DISC1: variants seen among roughly 807,000 people sequenced by gnomAD.
The protein encoded by DISC1 is DISC1 scaffold protein.
A neutral mutation model predicts 84.5 loss-of-function variants in DISC1; 57 were observed. That is an observed-to-expected ratio of 0.67 (90% confidence interval 0.55 to 0.84). The LOEUF (loss-of-function observed/expected upper bound fraction) is 0.84, where lower values mean the gene tolerates loss of function less well. DISC1 is among the 40% of genes least tolerant of loss of function. The pLI is 0.00. For synonymous variants in DISC1, 411 were observed against 415.2 expected, an observed-to-expected ratio of 0.99 and a Z score of 0.12; for missense variants, 1,000 against 1,057.8, an observed-to-expected ratio of 0.95 and a Z score of 0.76.
At position 231,801,699 on chromosome 1, in the gene DISC1, G is replaced by C. The variant is rs114884233; in HGVS notation, c.1792+1489G>C. 5.9e-3 allele frequency among the ~76,000 whole-genome samples: 900 copies of C among 152,124 alleles called. 11 individuals carry two copies. Among genetic ancestry groups the C allele is most frequent in the African/African-American group, 0.021 (864 of 41,512 alleles). ...ACTAGTGTTAAGGTGGTCAACATTT[G>C]TTTGCAACTCCTGCATATAATGCTA... On this transcript the variant is annotated intron_variant, in intron 8 of 12. Transcript: ENST00000439617.
In DISC1 at chr1:231,913,579, AG is replaced by A. The variant is rs535462115; in HGVS notation, c.1982-45246del. Among the ~76,000 whole-genome samples the A allele has an allele frequency of 3.2e-3, 487 of 152,332 alleles. 1 individual carries two copies. The highest frequency in any genetic ancestry group is 3.8e-3 in the Non-Finnish European group (256 of 68,020). On this transcript the variant is annotated intron_variant, in intron 9 of 12. Transcript: ENST00000439617. Reference sequence around the variant, plus strand: ...TGTGGAAATGCGGGACAGGCACCTGAGGGTGATAGCCTCTTTACAAGTGTCT... The same window carrying A: ...TGTGGAAATGCGGGACAGGCACCTGAGGTGATAGCCTCTTTACAAGTGTCT...
At chr1:231,802,770 C>T (rs2079375958) in intron 8 of DISC1, among the ~76,000 whole-genome samples, 1 of 152,098 alleles carries the variant, frequency 6.6e-6, no homozygotes, top group Non-Finnish European at 1.5e-5. Context: ...TGTCTAACTA[C>T]AATTATTAGG....
intron 9 of DISC1, among the ~76,000 whole-genome samples, chr1:231,920,029 C>T (rs1009194726): frequency 1.3e-4 from 20 of 152,136 alleles, no homozygotes; most frequent in Middle Eastern, 3.4e-3. Context: ...GGGGGTGTCC[C>T]GCGCATCGTA....
At chr1:232,024,599 T>G (rs989736051) in intron 11 of DISC1, among the ~76,000 whole-genome samples, 4 of 149,576 alleles carry the variant, frequency 2.7e-5, no homozygotes, top group African/African-American at 9.8e-5. Flanking sequence ...CTTATGCAAT[T>G]TTTTTTTTTT....
At chr1:231,866,558 A>G (rs1185305767) in intron 9 of DISC1, 1 of 984,276 alleles carries the variant, frequency 1.0e-6, no homozygotes, top group South Asian at 1.3e-5. Context: ...CTGGACACAG[A>G]GAAGTCAGCA....
In DISC1 at chr1:231,996,935, A is replaced by G. The variant is rs566412862; in HGVS notation, c.2043-11850A>G. On this transcript the variant is annotated intron_variant, in intron 10 of 12. Coordinates refer to ENST00000439617, the MANE Select transcript of DISC1 (RefSeq NM_018662.3). ...TGAGTCCTTCTCTTCAATAATTATT[A>G]CTAATGATCTAATTGTTTTCCCTGG... Among the ~76,000 whole-genome samples, 8 of 152,338 alleles carry G rather than the reference A, an allele frequency of 5.3e-5. No homozygotes were observed. The South Asian group carries it at 1.4e-3, about 28-fold the overall frequency.
chr1:231,735,370 G>GT (rs1366630952), intron 3 of DISC1, among the ~76,000 whole-genome samples: 5 of 152,008 alleles, frequency 3.3e-5, no homozygotes, highest in East Asian at 1.9e-4. Flanking sequence ...ATTTTGGAGA[G>GT]TTTTTTTTGT....
At position 231,750,525 on chromosome 1, in the gene DISC1, C is replaced by T. The variant is rs1242047363; in HGVS notation, c.1268+449C>T. The T allele has an allele frequency of 5.0e-6, 5 of 992,596 alleles. No homozygotes were observed. The African/African-American group carries it at 7.0e-5, about 14-fold the overall frequency. 61.5% of individuals were successfully genotyped at this position (992,596 alleles called of 1,614,324 possible). On this transcript the variant is annotated intron_variant, in intron 4 of 12. Transcript: ENST00000439617. ...TGAGCAACATTTGCTATTTGTGTCA[C>T]CCAAGGCTCTTCTGAGATTAGTAAT... is the stretch of plus-strand genomic sequence containing the variant.
At chr1:231,710,830 A>T (rs2067722530) in intron 3 of DISC1, among the ~76,000 whole-genome samples, 2 of 152,164 alleles carry the variant, frequency 1.3e-5, no homozygotes, top group South Asian at 4.1e-4. Flanking sequence ...ATACAATTAA[A>T]TTCTGAGGTC....
intron 7 of DISC1, among the ~76,000 whole-genome samples, chr1:231,799,164 A>G (rs754187593): frequency 9.2e-5 from 14 of 152,182 alleles, no homozygotes; most frequent in Non-Finnish European, 1.8e-4. Context: ...TTGAAAAACC[A>G]AAGAAAAAAA....
At chr1:231,641,213 C>A (rs1037405081) in intron 1 of DISC1, among the ~76,000 whole-genome samples, 1 of 152,194 alleles carries the variant, frequency 6.6e-6, no homozygotes, top group Non-Finnish European at 1.5e-5. Context: ...TCACTGACTT[C>A]AAAAATGAAG....
At chr1:232,015,072 A>C (rs1476806301) in intron 11 of DISC1, among the ~76,000 whole-genome samples, 2 of 152,192 alleles carry the variant, frequency 1.3e-5, no homozygotes, top group African/African-American at 4.8e-5. Context: ...GAGAGAAAGC[A>C]GAGTCCAGGG....
chr1:231,865,282 A>G (rs2084968659), intron 9 of DISC1, among the ~76,000 whole-genome samples: 1 of 152,194 alleles, frequency 6.6e-6, no homozygotes, highest in African/African-American at 2.4e-5. Context: ...GGGGAAGAGA[A>G]CTGTCTAGTA....
At chr1:231,755,166 C>T (rs1024557741) in intron 4 of DISC1, among the ~76,000 whole-genome samples, 8 of 151,984 alleles carry the variant, frequency 5.3e-5, no homozygotes, top group Non-Finnish European at 1.2e-4. Flanking sequence ...CATTTCTGGC[C>T]ATTCTTCTTA....
chr1:231,745,151 C>T (rs146261328), intron 3 of DISC1, among the ~76,000 whole-genome samples: 2,485 of 152,066 alleles, frequency 0.016, 22 homozygotes, highest in Non-Finnish European at 0.024. Context: ...GGGTACATAG[C>T]GATGCTTCAG....
chr1:232,022,421 C>T (rs949993445), intron 11 of DISC1, among the ~76,000 whole-genome samples: 9 of 151,920 alleles, frequency 5.9e-5, no homozygotes, highest in Non-Finnish European at 8.8e-5. Flanking sequence ...AATTCTCCTG[C>T]CTCAGCCTCC....
At chr1:231,846,843 A>G (rs1423566285) in intron 9 of DISC1, among the ~76,000 whole-genome samples, 1 of 152,232 alleles carries the variant, frequency 6.6e-6, no homozygotes, top group Non-Finnish European at 1.5e-5. Flanking sequence ...ACTGTTGAAA[A>G]AAGACTCTGG....
intron 9 of DISC1, among the ~76,000 whole-genome samples, chr1:231,831,240 A>G (rs948985819): frequency 6.6e-6 from 1 of 152,220 alleles, no homozygotes; most frequent in Non-Finnish European, 1.5e-5. Context: ...AAGGGGTAGT[A>G]GAATAGCAGA....
chr1:231,642,239 C>G, intron 1 of DISC1, among the ~76,000 whole-genome samples: 1 of 152,228 alleles, frequency 6.6e-6, no homozygotes, highest in East Asian at 1.9e-4. Context: ...GGAACTCGCG[C>G]TGGCCCGCAA....
Sources: gnomAD v4.1 joint callset for allele counts (sites outside exome capture counted in the v4.1 genomes callset) on GRCh38, gnomAD v4.1.1 for gene constraint, MANE v1.5 for transcripts, NCBI Gene and HGNC (gene_info 2026-07-23, HGNC 2026-07-21) for gene names.